The following MAD1L1 variants were observed in gnomAD, a reference collection of about 807,000 sequenced individuals.
The protein encoded by MAD1L1 is mitotic arrest deficient 1 like 1, also known as mitotic spindle assembly checkpoint protein MAD1.
A neutral mutation model predicts 96.9 loss-of-function variants in MAD1L1; 95 were observed. That is an observed-to-expected ratio of 0.98 (90% CI 0.83 to 1.16). MAD1L1 has a LOEUF of 1.16. Ranked by LOEUF, MAD1L1 falls within the 50% of genes most tolerant of loss-of-function variation. MAD1L1 has a pLI of 0.00. For synonymous variants in MAD1L1, 473 were observed against 396.6 expected (o/e 1.19, Z -2.29); for missense variants, 1,007 against 954.4 (o/e 1.06, Z -0.73).
At chr7:2,214,358 G>A (rs1373918655) in intron 9 of MAD1L1, among the ~76,000 whole-genome samples, 2 of 152,250 alleles carry the variant, frequency 1.3e-5, no homozygotes, top group African/African-American at 4.8e-5. Context: ...CAGCACCTGA[G>A]AGAAGAGTCC....
chr7:2,102,268 T>G, intron 11 of MAD1L1, among the ~76,000 whole-genome samples: 1 of 124,736 alleles, frequency 8.0e-6, no homozygotes, highest in African/African-American at 3.2e-5. Context: ...ATCACCACCA[T>G]CACTATCACC....
intron 11 of MAD1L1, among the ~76,000 whole-genome samples, chr7:2,130,190 G>A (rs548342188): frequency 1.4e-3 from 218 of 152,334 alleles, no homozygotes; most frequent in African/African-American, 5.1e-3. Context: ...CTGGCTGGGC[G>A]CAGCCATGGA....
intron 10 of MAD1L1, among the ~76,000 whole-genome samples, chr7:2,198,707 G>C (rs892692818): frequency 1.6e-4 from 25 of 152,178 alleles, no homozygotes; most frequent in African/African-American, 5.3e-4. Context: ...TTCTCCTGCC[G>C]CTGAGTGACT....
chr7:1,820,878 A>G (rs540860464), intron 18 of MAD1L1, among the ~76,000 whole-genome samples: 66 of 152,152 alleles, frequency 4.3e-4, no homozygotes, highest in South Asian at 1.0e-3. Context: ...TCAGGAGATC[A>G]AGACCATCCT....
intron 10 of MAD1L1, among the ~76,000 whole-genome samples, chr7:2,198,618 A>G (rs1380026163): frequency 2.0e-5 from 3 of 152,122 alleles, no homozygotes; most frequent in Admixed American, 1.3e-4. Context: ...AGCATGGAAC[A>G]CACACTTCAG....
At chr7:2,176,951 T>C (rs988319197) in intron 10 of MAD1L1, among the ~76,000 whole-genome samples, 1 of 152,180 alleles carries the variant, frequency 6.6e-6, no homozygotes, top group Non-Finnish European at 1.5e-5. Flanking sequence ...GTGGCCAGGG[T>C]TGTGAAATCA....
chr7:1,909,499 C>T (rs998627326), intron 17 of MAD1L1, among the ~76,000 whole-genome samples: 2 of 152,208 alleles, frequency 1.3e-5, no homozygotes, highest in African/African-American at 2.4e-5. Flanking sequence ...GATTTGTATC[C>T]GGGTCCTGGC....
intron 12 of MAD1L1, among the ~76,000 whole-genome samples, chr7:2,035,259 G>A (rs1468959056): frequency 7.1e-6 from 1 of 139,952 alleles, no homozygotes; most frequent in Non-Finnish European, 1.5e-5. Flanking sequence ...ATGAGCGCGG[G>A]AGCGCTGACA....
intron 18 of MAD1L1, among the ~76,000 whole-genome samples, chr7:1,827,827 G>C (rs150648220): frequency 6.6e-6 from 1 of 151,794 alleles, no homozygotes; most frequent in Non-Finnish European, 1.5e-5. Context: ...TCCTGGGCCC[G>C]GGCTAGACAG....
At chr7:2,160,580 G>A (rs906428052) in intron 10 of MAD1L1, among the ~76,000 whole-genome samples, 1 of 151,912 alleles carries the variant, frequency 6.6e-6, no homozygotes, top group Non-Finnish European at 1.5e-5. Context: ...TGATCTGCCC[G>A]CTTCGGCCTC....
intron 10 of MAD1L1, among the ~76,000 whole-genome samples, chr7:2,169,101 C>G (rs1790582119): frequency 6.6e-6 from 1 of 152,184 alleles, no homozygotes; most frequent in African/African-American, 2.4e-5. Flanking sequence ...TCACAGGAGG[C>G]AAACGATCCG....
intron 11 of MAD1L1, among the ~76,000 whole-genome samples, chr7:2,139,377 G>C (rs909134978): frequency 6.6e-6 from 1 of 151,668 alleles, no homozygotes; most frequent in Non-Finnish European, 1.5e-5. Flanking sequence ...GGAGCGCTGC[G>C]GGCCCCAGGA....
chr7:2,127,025 C>T (rs1348999820), intron 11 of MAD1L1, among the ~76,000 whole-genome samples: 1 of 152,220 alleles, frequency 6.6e-6, no homozygotes, highest in Non-Finnish European at 1.5e-5. Context: ...ACATCCGAGG[C>T]CTCGTTCCCA....
intron 18 of MAD1L1, among the ~76,000 whole-genome samples, chr7:1,877,673 T>A (rs1474740320): frequency 6.6e-6 from 1 of 152,112 alleles, no homozygotes; most frequent in Non-Finnish European, 1.5e-5. Flanking sequence ...ACAGGTAGAT[T>A]AAAAGATTAG....
chr7:1,964,535 G>A (rs1780081085), intron 15 of MAD1L1, among the ~76,000 whole-genome samples: 1 of 152,368 alleles, frequency 6.6e-6, no homozygotes, highest in East Asian at 1.9e-4. Flanking sequence ...AAGTTGGGGG[G>A]ATGGTGCTCA....
chr7:2,129,936 C>G (rs925192505), intron 11 of MAD1L1, among the ~76,000 whole-genome samples: 1 of 152,172 alleles, frequency 6.6e-6, no homozygotes, highest in African/African-American at 2.4e-5. Flanking sequence ...AAGCTCCCAA[C>G]CAGTCCAAAA....
chr7:2,052,334 A>G (rs1784217247), intron 12 of MAD1L1, among the ~76,000 whole-genome samples: 1 of 152,200 alleles, frequency 6.6e-6, no homozygotes. Flanking sequence ...TGCCGCCACC[A>G]CAGTTGGTAA....
chr7:2,192,346 G>A (rs949115100), intron 10 of MAD1L1, among the ~76,000 whole-genome samples: 1 of 152,082 alleles, frequency 6.6e-6, no homozygotes, highest in Non-Finnish European at 1.5e-5. Context: ...TTGCCAGGCT[G>A]GTCTCGAACT....
chr7:2,230,013 G>A lies in MAD1L1; in HGVS notation c.121C>T (p.Leu41=), dbSNP rs374905475. The A allele has an allele frequency of 1.2e-6, 2 of 1,613,466 alleles. No homozygotes were observed. Among genetic ancestry groups the A allele is most frequent in the Admixed American group, 1.7e-5 (1 of 60,024 alleles). Residue 41 remains leucine, a synonymous_variant, in exon 3 of 19, where the codon CTG becomes TTG. Transcript: ENST00000265854. ...ATGCTCTGCTGGTACTGCATCTGCA[G>A]AGAACCTGGGGCCGAGGTAGAAATA... ...LDISTSAPGS[L]QMQYQQSMQL...
Sources: gnomAD v4.1 joint callset for allele counts (sites outside exome capture counted in the v4.1 genomes callset) on GRCh38, gnomAD v4.1.1 for gene constraint, MANE v1.5 for transcripts, NCBI Gene and HGNC (gene_info 2026-07-23, HGNC 2026-07-21) for gene names.